The following SACS variants were observed in gnomAD, a reference collection of about 807,000 sequenced individuals.
SACS encodes the protein sacsin molecular chaperone.
Under a neutral mutation model 348.0 loss-of-function variants are expected in SACS, and 197 were observed. The ratio of observed to expected loss-of-function variants is 0.57; its 90% confidence interval spans 0.50 to 0.64. The LOEUF is 0.64. Ranked by LOEUF, SACS falls within the 30% of genes least tolerant of loss-of-function variation. SACS has a pLI of 0.00. For synonymous variants in SACS, 1,985 were observed against 1,910.6 expected (o/e 1.04, Z -1.02); for missense variants, 4,999 against 5,360.8 (o/e 0.93, Z 2.11).
chr13:23,357,771 C>T (rs1870488670), intron 7 of SACS, among the ~76,000 whole-genome samples: 1 of 152,174 alleles, frequency 6.6e-6, no homozygotes, highest in Admixed American at 6.6e-5. Flanking sequence ...GAACCAGAAA[C>T]CTCATATTCT....
chr13:23,407,464 G>C (rs1417615786), intron 2 of SACS, among the ~76,000 whole-genome samples: 1 of 152,222 alleles, frequency 6.6e-6, no homozygotes, highest in African/African-American at 2.4e-5. Flanking sequence ...CTCCCAAAGT[G>C]CTGGGATTAC....
chr13:23,329,334 G>T lies in SACS; in HGVS notation c.*802C>A, dbSNP rs1883322824. 1.5e-6 allele frequency: 1 copy of T among 652,122 alleles called. No homozygotes were observed. The highest frequency in any genetic ancestry group is 2.7e-6 in the Non-Finnish European group (1 of 364,800). 40.4% of individuals were successfully genotyped at this position (652,122 alleles called of 1,614,324 possible). On this transcript the variant is annotated 3_prime_UTR_variant, in exon 10 of 10. Coordinates refer to ENST00000382292, the MANE Select transcript of SACS (RefSeq NM_014363.6). Reference sequence around the variant, plus strand: ...ACACTATATAAATTATAACATTTGTGGAAAATATGTACACACAAACATAAA... The same window carrying T: ...ACACTATATAAATTATAACATTTGTTGAAAATATGTACACACAAACATAAA...
intron 1 of SACS, among the ~76,000 whole-genome samples, chr13:23,413,798 A>T (rs191288794): frequency 3.0e-4 from 45 of 152,314 alleles, no homozygotes; most frequent in Admixed American, 2.0e-3. Context: ...TAATTCATGA[A>T]ATTTTGATTG....
In SACS at chr13:23,417,673, T is replaced by G. The variant is rs79663024; in HGVS notation, c.-501-5933A>C. Reference sequence around the variant, plus strand: ...GTGAGAAAATCAAACCTTAAAAATTTTAGAAGGAAGTGGAACACAATATCT... The same window carrying G: ...GTGAGAAAATCAAACCTTAAAAATTGTAGAAGGAAGTGGAACACAATATCT... On this transcript the variant is annotated intron_variant, in intron 1 of 9. Coordinates refer to ENST00000382292, the MANE Select transcript of SACS (RefSeq NM_014363.6). Among the ~76,000 whole-genome samples, 895 of 152,256 alleles carry G rather than the reference T, an allele frequency of 5.9e-3. 6 individuals carry two copies. The highest frequency in any genetic ancestry group is 0.02 in the African/African-American group (844 of 41,532).
Position 23,338,195 on chromosome 13 carries a change from G to A in SACS, c.5681C>T (p.Ser1894Leu). Residue 1894 changes from serine to leucine, a missense_variant, in exon 10 of 10, where the codon TCA becomes TTA. By Grantham distance (145) the Ser-to-Leu change is moderately radical. This residue lies in a region of SACS where 3,156 missense variants were observed against 3,380.1 expected (regional missense o/e 0.93). Coordinates refer to ENST00000382292, the MANE Select transcript of SACS (RefSeq NM_014363.6). ...TGTTTTCCAGATTTCTTTCCTATTT[G>A]ATGTAACAGCAAAGCACCCATTGAT... ...VHINGCFAVT[S>L]NRKEIWKTDT... 2 of 1,614,026 alleles carry A rather than the reference G, an allele frequency of 1.2e-6. No homozygotes were observed. The highest frequency in any genetic ancestry group is 1.3e-5 in the African/African-American group (1 of 75,000).
intron 9 of SACS, among the ~76,000 whole-genome samples, chr13:23,347,387 G>C (rs1040772574): frequency 6.6e-6 from 1 of 151,926 alleles, no homozygotes; most frequent in Non-Finnish European, 1.5e-5. Flanking sequence ...TCCCTCCTCT[G>C]CTTGAATGAA....
intron 9 of SACS, among the ~76,000 whole-genome samples, chr13:23,344,766 A>G (rs1869490660): frequency 6.6e-6 from 1 of 152,222 alleles, no homozygotes; most frequent in East Asian, 1.9e-4. Flanking sequence ...AGAGGCAGAA[A>G]GGTTTAAACA....
chr13:23,359,138 C>T (rs764664995), intron 6 of SACS, among the ~76,000 whole-genome samples: 7 of 151,948 alleles, frequency 4.6e-5, no homozygotes, highest in Non-Finnish European at 1.0e-4. Flanking sequence ...GCCGAGATCG[C>T]GCCACCGCAC....
At chr13:23,396,205 C>G (rs1402897199) in intron 2 of SACS, among the ~76,000 whole-genome samples, 1 of 151,652 alleles carries the variant, frequency 6.6e-6, no homozygotes, top group Non-Finnish European at 1.5e-5. Flanking sequence ...GCACCTGTAA[C>G]CCCAGCTACT....
chr13:23,428,843 A>C (rs1469886666), intron 1 of SACS: 1 of 152,234 alleles, frequency 6.6e-6, no homozygotes, highest in African/African-American at 2.4e-5. Flanking sequence ...GGATACAGAA[A>C]GTATTCAATA....
intron 2 of SACS, among the ~76,000 whole-genome samples, chr13:23,389,335 G>A (rs777636983): frequency 3.9e-5 from 6 of 152,108 alleles, no homozygotes; most frequent in Non-Finnish European, 8.8e-5. Context: ...CAATTTTAGA[G>A]TTGGTTTTAT....
In SACS at chr13:23,333,404, T is replaced by A. The variant is rs1883618988; in HGVS notation, c.10472A>T (p.Asp3491Val). The change falls in exon 10 of 10, where the codon GAT (aspartate) becomes GTT (valine). Residue 3491 changes from aspartate (D) to valine (V), a missense_variant. This residue lies in a region of SACS where 734 missense variants were observed against 694.0 expected (regional missense o/e 1.06). Transcript: ENST00000382292. ...GTAGATCAAGTGCTCTAATTTTGCATCATAAGAGAGATTTTCAATTTTTGG... is the reference window on the plus strand; with the variant it reads ...GTAGATCAAGTGCTCTAATTTTGCAACATAAGAGAGATTTTCAATTTTTGG... ...LLPKIENLSY[D>V]AKLEHLIYLK... 3 of 1,608,958 alleles carry A rather than the reference T, an allele frequency of 1.9e-6. No homozygotes were observed. The East Asian group carries it at 6.7e-5, about 36-fold the overall frequency.
rs1302920733 is a variant in SACS, at chr13:23,412,716, C to T, written c.-501-976G>A. 2.0e-5 allele frequency among the ~76,000 whole-genome samples: 3 copies of T among 151,994 alleles called. No individual in the cohort carries two copies. In the South Asian group the frequency reaches 6.2e-4, roughly 32 times the overall value. On this transcript the variant is annotated intron_variant, in intron 1 of 9. Transcript: ENST00000382292. ...CAGGTGTGAGCCACTGCACCCGACC[C>T]AAACCTACAACTTTATGTGTACAAT...
At chr13:23,349,351 G>T (rs909983445) in intron 9 of SACS, among the ~76,000 whole-genome samples, 1 of 152,146 alleles carries the variant, frequency 6.6e-6, no homozygotes, top group Non-Finnish European at 1.5e-5. Context: ...TTTTCAGTGG[G>T]ATCACTCAAA....
intron 1 of SACS, chr13:23,428,493 TGTGTTGGCATA>T (rs1349178916): frequency 2.0e-5 from 3 of 152,156 alleles, no homozygotes; most frequent in African/African-American, 4.8e-5. Flanking sequence ...ATGAAAGACC[TGTGTTGGCATA>T]GTGTGCTGCA....
In SACS at chr13:23,334,861, G is replaced by C. The variant is rs769712713; in HGVS notation, c.9015C>G (p.Asp3005Glu). The stretch of plus-strand genomic sequence containing the variant: ...AAGTAATTATAACTGCAGAGTGCAA[G>C]TCAGAGCCATCAATATTTGGAGCCC... ...VVRAPNIDGSDLHSAVIITWI... is the reference protein window; with the variant it reads ...VVRAPNIDGSELHSAVIITWI... The change falls in exon 10 of 10, where the codon GAC becomes GAG. Residue 3005 changes from aspartate to glutamate, a missense_variant. Transcript: ENST00000382292. The C allele has an allele frequency of 1.9e-6, 3 of 1,613,836 alleles. No homozygotes were observed. The South Asian group carries it at 3.3e-5, about 18-fold the overall frequency.
At chr13:23,420,502 A>G (rs1463192896) in intron 1 of SACS, among the ~76,000 whole-genome samples, 2 of 152,008 alleles carry the variant, frequency 1.3e-5, no homozygotes, top group Non-Finnish European at 2.9e-5. Flanking sequence ...ACTAAAGTCT[A>G]CCTAGAATCC....
chr13:23,330,825 C>T lies in SACS; in HGVS notation c.13051G>A (p.Val4351Ile). The T allele has an allele frequency of 6.2e-7, 1 of 1,614,116 alleles. No homozygotes were observed. The highest frequency in any genetic ancestry group is 8.5e-7 in the Non-Finnish European group (1 of 1,180,006). ...ATTTCATTCTGCAAATGTTTAAAAA[C>T]TTCATTGGCAATGTCATGGTTCTCT... The part of the protein sequence containing the change: ...NPENHDIANE[V>I]FKHLQNEINR... The change falls in exon 10 of 10, where the codon GTT becomes ATT. Residue 4351 changes from valine to isoleucine, a missense_variant. Around this residue, in one of 6 missense-constraint regions of SACS, gnomAD observed 254 missense variants for 275.1 expected, o/e 0.92. Coordinates refer to ENST00000382292, the MANE Select transcript of SACS (RefSeq NM_014363.6).
intron 6 of SACS, among the ~76,000 whole-genome samples, chr13:23,361,409 T>C (rs949218316): frequency 2.6e-5 from 4 of 152,174 alleles, no homozygotes; most frequent in Admixed American, 2.6e-4. Context: ...ATTACCAAGA[T>C]CAATTTTAAA....
Sources: allele counts gnomAD v4.1 joint callset (sites outside exome capture counted in the v4.1 genomes callset), GRCh38; gene constraint gnomAD v4.1.1; regional missense constraint gnomAD v4.1.1; transcripts MANE v1.5; gene names NCBI Gene and HGNC (gene_info 2026-07-23, HGNC 2026-07-21).